Variants in ITPK1 observed in about 807,000 individuals in gnomAD.
ITPK1 encodes inositol-tetrakisphosphate 1-kinase.
Under a neutral mutation model 45.3 loss-of-function variants are expected in ITPK1, and 21 were observed. That is an observed-to-expected ratio of 0.46 (90% CI 0.33 to 0.67). ITPK1 has a LOEUF of 0.67. ITPK1 is among the 30% of genes least tolerant of loss of function. The probability of loss-of-function intolerance (pLI) is 0.02; values close to 1 mark genes in which losing one functional copy is unlikely to be tolerated. For missense variants in ITPK1, 474 were observed against 573.5 expected, an observed-to-expected ratio of 0.83 and a Z score of 1.77; for synonymous variants, 258 against 253.6, an observed-to-expected ratio of 1.02 and a Z score of -0.16.
intron 8 of ITPK1, among the ~76,000 whole-genome samples, chr14:92,954,512 G>C (rs546665608): frequency 1.3e-5 from 2 of 152,326 alleles, no homozygotes; most frequent in Admixed American, 1.3e-4. Flanking sequence ...GCCCCATGCA[G>C]TCTGTTCCTG....
intron 2 of ITPK1, among the ~76,000 whole-genome samples, chr14:93,087,484 C>T (rs1253867513): frequency 6.6e-6 from 1 of 152,220 alleles, no homozygotes; most frequent in African/African-American, 2.4e-5. Context: ...TGTGAATAGC[C>T]ACTGCACTCC....
At chr14:92,992,975 G>A (rs144813255) in intron 5 of ITPK1, among the ~76,000 whole-genome samples, 75 of 152,356 alleles carry the variant, frequency 4.9e-4, no homozygotes, top group African/African-American at 1.6e-3. Context: ...AGACTCCCAT[G>A]CAGATGGTCT....
At chr14:93,090,285 G>A (rs1595206583) in intron 2 of ITPK1, among the ~76,000 whole-genome samples, 1 of 152,178 alleles carries the variant, frequency 6.6e-6, no homozygotes, top group East Asian at 1.9e-4. Flanking sequence ...CCCCTGGAAC[G>A]CCCCCATCCC....
At chr14:93,064,237 C>T (rs1728383993) in intron 3 of ITPK1, among the ~76,000 whole-genome samples, 1 of 152,154 alleles carries the variant, frequency 6.6e-6, no homozygotes, top group Non-Finnish European at 1.5e-5. Context: ...GAGCCGAGGT[C>T]GCGCCACTGC....
Position 93,025,123 on chromosome 14 carries a change from C to T in ITPK1, c.121-8322G>A, listed in dbSNP as rs576221926. Among the ~76,000 whole-genome samples the T allele has an allele frequency of 8.8e-4, 134 of 152,268 alleles. 1 individual carries two copies. The highest frequency in any genetic ancestry group is 1.7e-3 in the Admixed American group (26 of 15,296). On this transcript the variant is annotated intron_variant, in intron 3 of 10. Transcript: ENST00000267615. ...CCTGAGAGCCACCTGGGTCAGGAAG[C>T]GAGAACCTGTCCAGGGCTGGAATCA...
intron 3 of ITPK1, among the ~76,000 whole-genome samples, chr14:93,059,400 T>G (rs1262169582): frequency 0.01 from 26 of 2,486 alleles, no homozygotes; most frequent in Admixed American, 0.013. Flanking sequence ...GGGGTGGAGG[T>G]GGTATGGGTC....
Position 92,941,307 on chromosome 14 carries a change from A to T in ITPK1, c.*254T>A. The T allele has an allele frequency of 7.1e-7, 1 of 1,400,186 alleles. No homozygotes were observed. Among genetic ancestry groups the T allele is most frequent in the Non-Finnish European group, 9.2e-7 (1 of 1,084,604 alleles). 86.7% of individuals were successfully genotyped at this position (1,400,186 alleles called of 1,614,324 possible). On this transcript the variant is annotated 3_prime_UTR_variant, in exon 11 of 11. Coordinates refer to ENST00000267615, the MANE Select transcript of ITPK1 (RefSeq NM_014216.6). ...TAGTGTTGCAAACACAAGCGTGTGT[A>T]AACTCAGTTAGGAGGTCTGCACAGT...
chr14:92,962,933 G>A, intron 5 of ITPK1, 84 bp from the exon 6 acceptor site: 1 of 861,910 alleles, frequency 1.2e-6, no homozygotes, highest in Non-Finnish European at 1.8e-6. Flanking sequence ...CCCCACCCCA[G>A]GGGCCTTCAG....
chr14:93,101,865 G>A (rs893254555), intron 2 of ITPK1, among the ~76,000 whole-genome samples: 2 of 152,102 alleles, frequency 1.3e-5, no homozygotes, highest in Non-Finnish European at 2.9e-5. Flanking sequence ...ATGAAACCCC[G>A]GGAAAGTCAC....
rs140069920 is a variant in ITPK1, at chr14:93,028,921, C to T, written c.121-12120G>A. ...GAGACGCTCAAGCTGACTGAGCTTA[C>T]GTGGCTGATGAGTTGCAGAGAGTTC... On this transcript the variant is annotated intron_variant, in intron 3 of 10. Transcript: ENST00000267615. Among the ~76,000 whole-genome samples, 502 of 152,324 alleles carry T rather than the reference C, an allele frequency of 3.3e-3. 2 individuals are homozygous for T. The highest frequency in any genetic ancestry group is 0.011 in the African/African-American group (466 of 41,580).
At chr14:93,035,096 C>T (rs1203867341) in intron 3 of ITPK1, among the ~76,000 whole-genome samples, 1 of 152,270 alleles carries the variant, frequency 6.6e-6, no homozygotes, top group East Asian at 1.9e-4. Context: ...ACCACCCCCT[C>T]TGAAACACAC....
chr14:93,082,665 C>A (rs1459771515), intron 2 of ITPK1, among the ~76,000 whole-genome samples: 1 of 152,332 alleles, frequency 6.6e-6, no homozygotes, highest in Non-Finnish European at 1.5e-5. Flanking sequence ...CACGCCCACT[C>A]CAGGGGTGGG....
chr14:93,026,828 G>A (rs568434340), intron 3 of ITPK1, among the ~76,000 whole-genome samples: 4 of 152,268 alleles, frequency 2.6e-5, no homozygotes, highest in East Asian at 1.9e-4. Context: ...AGAAGGGGCC[G>A]ATCACTGAGT....
chr14:93,104,051 C>A (rs998252434), intron 2 of ITPK1, among the ~76,000 whole-genome samples: 4 of 152,094 alleles, frequency 2.6e-5, no homozygotes, highest in Admixed American at 6.5e-5. Context: ...TATCATTTGG[C>A]CCTAGGGCGG....
chr14:93,109,068 C>A (rs1057330750), intron 2 of ITPK1, among the ~76,000 whole-genome samples: 2 of 152,094 alleles, frequency 1.3e-5, no homozygotes, highest in African/African-American at 4.8e-5. Flanking sequence ...CTGACCCAGC[C>A]CTCCTCATCT....
chr14:93,069,043 C>T (rs1173792410), intron 3 of ITPK1: 1 of 152,488 alleles, frequency 6.6e-6, no homozygotes, highest in Non-Finnish European at 1.5e-5. Flanking sequence ...TGATCCTCCC[C>T]CTCTCACCTC....
At chr14:93,113,424 T>C (rs1197604557) in intron 2 of ITPK1, among the ~76,000 whole-genome samples, 1 of 152,118 alleles carries the variant, frequency 6.6e-6, no homozygotes, top group East Asian at 1.9e-4. Context: ...CAAGCTTGAG[T>C]TGCAGACACA....
intron 3 of ITPK1, among the ~76,000 whole-genome samples, chr14:93,033,201 C>T (rs1030284496): frequency 1.3e-5 from 2 of 152,194 alleles, no homozygotes; most frequent in Non-Finnish European, 2.9e-5. Context: ...GACCGAAGGT[C>T]ATCTCAGCCA....
intron 3 of ITPK1, among the ~76,000 whole-genome samples, chr14:93,017,846 G>A (rs989425903): frequency 5.9e-5 from 9 of 152,238 alleles, no homozygotes; most frequent in Admixed American, 1.3e-4. Flanking sequence ...TGGGCACCAC[G>A]CTCAAAGCTT....
Sources: allele counts gnomAD v4.1 joint callset (sites outside exome capture counted in the v4.1 genomes callset), GRCh38; gene constraint gnomAD v4.1.1; transcripts MANE v1.5; gene names NCBI Gene and HGNC (gene_info 2026-07-23, HGNC 2026-07-21).